ST6GALNAC1: variants seen among roughly 807,000 people sequenced by gnomAD.
ST6GALNAC1 encodes the protein ST6 N-acetylgalactosaminide alpha-2,6-sialyltransferase 1.
ST6GALNAC1 carries 45 observed loss-of-function variants against 56.8 expected under a neutral mutation model. The observed-to-expected ratio is 0.79, with a 90% CI of 0.62 to 1.02. ST6GALNAC1 has a LOEUF of 1.02. Among genes scored for constraint, ST6GALNAC1 ranks in the 50% least tolerant of loss-of-function variants. The probability of loss-of-function intolerance (pLI) is 0.00; values close to 1 mark genes in which losing one functional copy is unlikely to be tolerated. For missense variants in ST6GALNAC1, 743 were observed against 754.8 expected, an observed-to-expected ratio of 0.98 and a Z score of 0.18; for synonymous variants, 295 against 297.8, an observed-to-expected ratio of 0.99 and a Z score of 0.10.
At chr17:76,624,506 T>C (rs937830191), downstream of ST6GALNAC1, among the ~76,000 whole-genome samples, 2 of 152,194 alleles carry the variant, frequency 1.3e-5, no homozygotes, top group African/African-American at 4.8e-5. Context: ...TGCCTTGGCC[T>C]CCCAAAGTGC....
intron 2 of ST6GALNAC1, among the ~76,000 whole-genome samples, chr17:76,628,051 T>G (rs181899376): frequency 0.068 from 10,065 of 147,678 alleles, 407 homozygotes; most frequent in Middle Eastern, 0.094. Context: ...GAGCCGAGAT[T>G]GCGCCACTGC....
chr17:76,622,048 C>T (rs944663003), downstream of ST6GALNAC1, among the ~76,000 whole-genome samples: 3 of 151,026 alleles, frequency 2.0e-5, no homozygotes, highest in African/African-American at 7.3e-5. Flanking sequence ...ATCCTCCTGC[C>T]TCAGCCTCCC....
chr17:76,619,353 G>A, the ST6GALNAC1 span, among the ~76,000 whole-genome samples: 1 of 152,190 alleles, frequency 6.6e-6, no homozygotes, highest in African/African-American at 2.4e-5. Context: ...GGGAATGTAT[G>A]TATACGTGTG....
intron 1 of ST6GALNAC1, among the ~76,000 whole-genome samples, chr17:76,636,313 G>A (rs1339197577): frequency 1.3e-5 from 2 of 152,124 alleles, no homozygotes; most frequent in African/African-American, 4.8e-5. Flanking sequence ...ATCAATCTTG[G>A]AGAAGTTATG....
chr17:76,634,112 T>C (rs1349601796), intron 1 of ST6GALNAC1, among the ~76,000 whole-genome samples: 1 of 152,194 alleles, frequency 6.6e-6, no homozygotes, highest in African/African-American at 2.4e-5. Flanking sequence ...GCTCCCGCCT[T>C]CTATGGCATG....
In ST6GALNAC1 at chr17:76,628,026, A is replaced by G. The variant is rs552463393; in HGVS notation, c.832-443T>C. ...GCAGGAGAATGGCGTGAACCCGGGAAGCGGAGCTTGCAGTGAGCCGAGATT... is the reference window on the plus strand; with the variant it reads ...GCAGGAGAATGGCGTGAACCCGGGAGGCGGAGCTTGCAGTGAGCCGAGATT... On this transcript the variant is annotated intron_variant, in intron 2 of 8. Coordinates refer to ENST00000156626, the MANE Select transcript of ST6GALNAC1 (RefSeq NM_018414.5). Among the ~76,000 whole-genome samples the G allele has an allele frequency of 1.2e-4, 18 of 150,760 alleles. No homozygotes were observed. The South Asian group carries it at 3.6e-3, about 30-fold the overall frequency.
At position 76,626,693 on chromosome 17, in the gene ST6GALNAC1, A is replaced by G; in HGVS notation, c.1269T>C (p.Leu423=). 1 of 1,614,146 alleles carries G rather than the reference A, an allele frequency of 6.2e-7. No individual in the cohort carries two copies. Among genetic ancestry groups the G allele is most frequent in the Non-Finnish European group, 8.5e-7 (1 of 1,180,008 alleles). Residue 423 remains leucine (L), a synonymous_variant, in exon 5 of 9, where the codon CTT becomes CTC. Transcript: ENST00000156626. ...TCTTGAAACCCCGATTGCCCAATATAAGGAGTGACTGGGTCAGGGAGAAGG... is the reference window on the plus strand; with the variant it reads ...TCTTGAAACCCCGATTGCCCAATATGAGGAGTGACTGGGTCAGGGAGAAGG... The part of the protein sequence containing the change: ...FTAFSLTQSL[L]ILGNRGFKNV...
chr17:76,624,858 G>A lies in ST6GALNAC1; in HGVS notation c.*472C>T, dbSNP rs114317544. 337 of 159,252 alleles carry A rather than the reference G, an allele frequency of 2.1e-3. 1 individual carries two copies. Among genetic ancestry groups the A allele is most frequent in the African/African-American group, 7.7e-3 (322 of 41,630 alleles). 9.9% of individuals were successfully genotyped at this position (159,252 alleles called of 1,614,324 possible). On this transcript the variant is annotated 3_prime_UTR_variant, in exon 9 of 9. Transcript: ENST00000156626. Reference sequence around the variant, plus strand: ...ACGTAGAGTTGTCAAATAGCTTAAAGACAAGGACAAGTATAGACCCTTCTA... The same window carrying A: ...ACGTAGAGTTGTCAAATAGCTTAAAAACAAGGACAAGTATAGACCCTTCTA...
At chr17:76,641,567 T>C (rs16969140) in intron 1 of ST6GALNAC1, among the ~76,000 whole-genome samples, 30,564 of 152,170 alleles carry the variant, frequency 0.2, 4,049 homozygotes, top group African/African-American at 0.38. Context: ...TTCACCTATC[T>C]GATGATTAAG....
chr17:76,617,625 A>T, the ST6GALNAC1 span, among the ~76,000 whole-genome samples: 1 of 152,102 alleles, frequency 6.6e-6, no homozygotes, highest in Non-Finnish European at 1.5e-5. Flanking sequence ...TTTAAAAATT[A>T]TCAGGTGTGG....
At position 76,625,432 on chromosome 17, in the gene ST6GALNAC1, A is replaced by C; in HGVS notation, c.1701T>G (p.His567Gln). 2 of 1,614,176 alleles carry C rather than the reference A, an allele frequency of 1.2e-6. No homozygotes were observed. The highest frequency in any genetic ancestry group is 1.3e-5 in the African/African-American group (1 of 75,060). ...AGACTTCTCTCTCCAGCTTGAAGTC[A>C]TGGTTTATGTAAAAGATCAGCCGCT... is the stretch of plus-strand genomic sequence containing the variant. The part of the protein sequence containing the change: ...SWKRLIFYIN[H>Q]DFKLEREVWK... The change falls in exon 9 of 9, where the codon CAT becomes CAG. Residue 567 changes from histidine to glutamine, a missense_variant. Physicochemically the swap from His to Gln is conservative, Grantham distance 24. Coordinates refer to ENST00000156626, the MANE Select transcript of ST6GALNAC1 (RefSeq NM_018414.5).
Position 76,627,338 on chromosome 17 carries a change from A to G in ST6GALNAC1, c.1000+77T>C. The G allele has an allele frequency of 6.3e-7, 1 of 1,582,408 alleles. No homozygotes were observed. Among genetic ancestry groups the G allele is most frequent in the South Asian group, 1.2e-5 (1 of 86,146 alleles). Reference sequence around the variant, plus strand: ...CTGGCAAACCCCAGGGAAGAGGCAGACCAGAAAGCCAGCTGCCCTCTGCCC... The same window carrying G: ...CTGGCAAACCCCAGGGAAGAGGCAGGCCAGAAAGCCAGCTGCCCTCTGCCC... On this transcript the variant is annotated intron_variant, in intron 3 of 8. Transcript: ENST00000156626. This position sits in a 1 kb window ranked among gnomAD's most constrained non-coding sequence, Gnocchi z 4.4.
At chr17:76,639,783 G>C (rs1489464234) in intron 1 of ST6GALNAC1, among the ~76,000 whole-genome samples, 1 of 151,768 alleles carries the variant, frequency 6.6e-6, no homozygotes, top group Non-Finnish European at 1.5e-5. Flanking sequence ...GGTAGGGAGT[G>C]GGGGTGGGAG....
Position 76,626,825 on chromosome 17 carries a change from G to A in ST6GALNAC1, c.1173-36C>T, listed in dbSNP as rs202077137. On this transcript the variant is annotated intron_variant, in intron 4 of 8. Coordinates refer to ENST00000156626, the MANE Select transcript of ST6GALNAC1 (RefSeq NM_018414.5). The stretch of plus-strand genomic sequence containing the variant: ...AGACACAATCAGACGGGACAGGTGA[G>A]CAGAGGAGGGAGATTTGTGTAGGTG... The A allele has an allele frequency of 2.7e-5, 44 of 1,611,652 alleles. No homozygotes were observed. The African/African-American group carries it at 5.1e-4, about 19-fold the overall frequency.
Position 76,624,984 on chromosome 17 carries a change from C to A in ST6GALNAC1, c.*346G>T. On this transcript the variant is annotated 3_prime_UTR_variant, in exon 9 of 9. Coordinates refer to ENST00000156626, the MANE Select transcript of ST6GALNAC1 (RefSeq NM_018414.5). ...TGTAAACTCGATCTGGAATTCAAACCAGATCTATATGTTTCTGTAAATCCA... is the reference window on the plus strand; with the variant it reads ...TGTAAACTCGATCTGGAATTCAAACAAGATCTATATGTTTCTGTAAATCCA... 1 of 295,756 alleles carries A rather than the reference C, an allele frequency of 3.4e-6. No homozygotes were observed. Among genetic ancestry groups the A allele is most frequent in the Non-Finnish European group, 6.3e-6 (1 of 157,632 alleles). 18.3% of individuals were successfully genotyped at this position (295,756 alleles called of 1,614,324 possible).
intron 8 of ST6GALNAC1, 64 bp from the exon 9 acceptor site, chr17:76,625,591 C>G: frequency 1.3e-6 from 2 of 1,575,456 alleles, no homozygotes; most frequent in Non-Finnish European, 1.7e-6. Flanking sequence ...CTTCTCATGG[C>G]TAATTCTGTG....
chr17:76,629,790 T>TTG (rs2075866732), intron 1 of ST6GALNAC1, 79 bp from the exon 2 acceptor site: 3 of 1,188,276 alleles, frequency 2.5e-6, no homozygotes, highest in African/African-American at 3.1e-5. Context: ...TTTGTTTTTT[T>TTG]TTTTTTTTTT....
chr17:76,630,374 G>A lies in ST6GALNAC1; in HGVS notation c.132-663C>T, dbSNP rs2075874549. On this transcript the variant is annotated intron_variant, in intron 1 of 8. Transcript: ENST00000156626. ...CCTATGCAAGCCCTTCCTCCATTAAGGCCTCCTAGCCTGAGCTGCAGCTGA... is the reference window on the plus strand; with the variant it reads ...CCTATGCAAGCCCTTCCTCCATTAAAGCCTCCTAGCCTGAGCTGCAGCTGA... Among the ~76,000 whole-genome samples, 4 of 152,238 alleles carry A rather than the reference G, an allele frequency of 2.6e-5. No homozygotes were observed. The South Asian group carries it at 8.3e-4, about 32-fold the overall frequency.
rs762927372 is a variant in ST6GALNAC1, at chr17:76,627,392, C to T, written c.1000+23G>A. ...GCCCCGGCCTACTGCGCACCCACAC[C>T]TTCCCCTGGGTTAAGGACTCACAGG... On this transcript the variant is annotated intron_variant, in intron 3 of 8. Transcript: ENST00000156626. The surrounding 1 kb of genome is among the most constrained non-coding windows in gnomAD (Gnocchi z 4.4). 6.2e-7 allele frequency: 1 copy of T among 1,613,340 alleles called. No individual in the cohort carries two copies. Among genetic ancestry groups the T allele is most frequent in the Non-Finnish European group, 8.5e-7 (1 of 1,179,624 alleles).
Sources: allele counts gnomAD v4.1 joint callset (sites outside exome capture counted in the v4.1 genomes callset), GRCh38; gene constraint gnomAD v4.1.1; non-coding constraint Gnocchi (gnomAD v3.1); transcripts MANE v1.5; gene names NCBI Gene and HGNC (gene_info 2026-07-23, HGNC 2026-07-21).